FAM135A: variants seen among roughly 807,000 people sequenced by gnomAD.
The protein encoded by FAM135A is family with sequence similarity 135 member A.
In FAM135A, 79 loss-of-function variants were observed where a neutral mutation model predicts 146.8. That is an observed-to-expected ratio of 0.54 (90% CI 0.45 to 0.65). The LOEUF (loss-of-function observed/expected upper bound fraction) is 0.65, where lower values mean the gene tolerates loss of function less well. Among genes scored for constraint, FAM135A ranks in the 30% least tolerant of loss-of-function variants. The probability of loss-of-function intolerance (pLI) is 0.00; values close to 1 mark genes in which losing one functional copy is unlikely to be tolerated. For missense variants in FAM135A, 1,623 were observed against 1,758.2 expected (o/e 0.92, Z 1.38); for synonymous variants, 562 against 603.6 (o/e 0.93, Z 1.01).
chr6:70,511,067 A>G (rs1790893157), intron 12 of FAM135A, among the ~76,000 whole-genome samples: 1 of 151,910 alleles, frequency 6.6e-6, no homozygotes, highest in African/African-American at 2.4e-5. Flanking sequence ...CTTATTTACC[A>G]TTTGTGTATC....
intron 11 of FAM135A, among the ~76,000 whole-genome samples, chr6:70,500,994 G>A (rs900285479): frequency 2.0e-5 from 3 of 152,196 alleles, no homozygotes; most frequent in Admixed American, 6.5e-5. Flanking sequence ...CTGTCCCTTA[G>A]CAGAGCTGGT....
intron 4 of FAM135A, among the ~76,000 whole-genome samples, chr6:70,451,117 A>G (rs1776995323): frequency 6.6e-6 from 1 of 151,882 alleles, no homozygotes; most frequent in Admixed American, 6.6e-5. Flanking sequence ...TTAGTACTGT[A>G]TTTTCTATTT....
chr6:70,502,782 T>C lies in FAM135A; in HGVS notation c.1020T>C (p.His340=). 1 of 1,609,348 alleles carries C rather than the reference T, an allele frequency of 6.2e-7. No homozygotes were observed. Among genetic ancestry groups the C allele is most frequent in the Non-Finnish European group, 8.5e-7 (1 of 1,177,848 alleles). Residue 340 remains histidine, a synonymous_variant, in exon 12 of 22, where the codon CAT becomes CAC. Coordinates refer to ENST00000418814, the MANE Select transcript of FAM135A (RefSeq NM_001162529.3). ...GAATATTATTAGCACAAGAGCACCA[T>C]ACTTTGAGGGTAAGTTAAAGAGAAG... ...ELRILLAQEH[H]TLRVRRFSEA...
intron 12 of FAM135A, among the ~76,000 whole-genome samples, chr6:70,521,221 T>C (rs890264265): frequency 6.6e-6 from 1 of 152,212 alleles, no homozygotes; most frequent in Admixed American, 6.5e-5. Context: ...TGATCATTAT[T>C]GTAGGACTTA....
chr6:70,522,403 C>T (rs977973066), intron 12 of FAM135A, 110 bp from the exon 13 acceptor site: 11 of 805,938 alleles, frequency 1.4e-5, no homozygotes, highest in Admixed American at 4.2e-5. Flanking sequence ...TTAATTCTGA[C>T]GGGTGATTGT....
At chr6:70,449,220 T>C (rs2128010591) in intron 4 of FAM135A, among the ~76,000 whole-genome samples, 1 of 152,350 alleles carries the variant, frequency 6.6e-6, no homozygotes, top group East Asian at 1.9e-4. Flanking sequence ...CTAATTAACG[T>C]ATTTATCACC....
At chr6:70,501,099 G>A (rs992376777) in intron 11 of FAM135A, among the ~76,000 whole-genome samples, 1 of 152,224 alleles carries the variant, frequency 6.6e-6, no homozygotes, top group Non-Finnish European at 1.5e-5. Context: ...TGCACCCACA[G>A]CTGCCCCTTC....
chr6:70,445,222 T>C (rs1775428360), intron 4 of FAM135A, among the ~76,000 whole-genome samples: 2 of 152,218 alleles, frequency 1.3e-5, no homozygotes, highest in African/African-American at 4.8e-5. Flanking sequence ...TTACTTTGTT[T>C]ATGGCTACTT....
At chr6:70,481,177 T>A in intron 9 of FAM135A, 150 bp downstream of exon 9, 1 of 760,602 alleles carries the variant, frequency 1.3e-6, no homozygotes, top group Admixed American at 3.8e-5. Context: ...AATTGTTTGG[T>A]TCTAATTGTC....
chr6:70,526,649 ACTT>A lies in FAM135A; in HGVS notation c.3570_3572del (p.Ser1191del). ...GCCAAGCAGTACTTCTTACAACTTC[ACTT>A]CTTCGATTTCCTGGTATGAAAGTTC... On this transcript the variant is annotated inframe_deletion, in exon 15 of 22. Transcript: ENST00000418814. 6.2e-7 allele frequency: 1 copy of A among 1,609,970 alleles called. No homozygotes were observed. Among genetic ancestry groups the A allele is most frequent in the South Asian group, 1.1e-5 (1 of 90,102 alleles).
At chr6:70,486,743 A>G (rs949942815) in intron 10 of FAM135A, among the ~76,000 whole-genome samples, 7 of 152,128 alleles carry the variant, frequency 4.6e-5, no homozygotes, top group Non-Finnish European at 1.0e-4. Context: ...AGCCTGACCA[A>G]CATAATGAAA....
chr6:70,496,369 ATTTG>A (rs548775812), intron 11 of FAM135A, among the ~76,000 whole-genome samples: 155 of 152,022 alleles, frequency 1.0e-3, no homozygotes, highest in African/African-American at 3.7e-3. Flanking sequence ...TTTCTGGTAA[ATTTG>A]TTTAAGTTCC....
intron 20 of FAM135A, among the ~76,000 whole-genome samples, chr6:70,540,702 G>T (rs1488471143): frequency 1.3e-5 from 2 of 152,078 alleles, no homozygotes; most frequent in Non-Finnish European, 2.9e-5. Context: ...CAGACTTCAT[G>T]GATTACTTTT....
In FAM135A at chr6:70,525,826, T is replaced by G; in HGVS notation, c.2742T>G (p.Asn914Lys). ...DNETVAIHSL[N>K]SSIKDPLQFV... ...AAACTGTAGCAATACATTCCTTAAATTCAAGCATTAAAGACCCTTTACAAT... is the reference window on the plus strand; with the variant it reads ...AAACTGTAGCAATACATTCCTTAAAGTCAAGCATTAAAGACCCTTTACAAT... Residue 914 changes from asparagine (N) to lysine (K), a missense_variant, in exon 15 of 22, where the codon AAT becomes AAG. Asn to Lys is a moderately conservative substitution (Grantham distance 94). Coordinates refer to ENST00000418814, the MANE Select transcript of FAM135A (RefSeq NM_001162529.3). 12 of 1,612,582 alleles carry G rather than the reference T, an allele frequency of 7.4e-6. No homozygotes were observed. Among genetic ancestry groups the G allele is most frequent in the Non-Finnish European group, 1.0e-5 (12 of 1,179,416 alleles).
chr6:70,435,296 C>A (rs1042223690), intron 4 of FAM135A, among the ~76,000 whole-genome samples: 1 of 151,130 alleles, frequency 6.6e-6, no homozygotes, highest in Non-Finnish European at 1.5e-5. Context: ...GTAGAGGTGG[C>A]GTTTTGCCCT....
rs539650024 is a variant in FAM135A, at chr6:70,521,101, T to G, written c.1030-1412T>G. 6.4e-4 allele frequency among the ~76,000 whole-genome samples: 97 copies of G among 152,360 alleles called. 1 individual carries two copies. Among genetic ancestry groups the G allele is most frequent in the Middle Eastern group, 3.4e-3 (1 of 294 alleles). On this transcript the variant is annotated intron_variant, in intron 12 of 21. Coordinates refer to ENST00000418814, the MANE Select transcript of FAM135A (RefSeq NM_001162529.3). ...ATCATCCTAGAGGTTTTTTTTTGTT[T>G]GTTTTTTCTTCATCATTCAATTTGA...
At chr6:70,463,252 C>A (rs1203113958) in intron 5 of FAM135A, among the ~76,000 whole-genome samples, 1 of 152,008 alleles carries the variant, frequency 6.6e-6, no homozygotes, top group East Asian at 1.9e-4. Context: ...CTGTCATAGT[C>A]CTTTTTCTTT....
At chr6:70,470,701 G>A (rs1207074393) in intron 5 of FAM135A, among the ~76,000 whole-genome samples, 2 of 152,192 alleles carry the variant, frequency 1.3e-5, no homozygotes, top group Non-Finnish European at 2.9e-5. Flanking sequence ...GTCCTTTCTA[G>A]GAGATTGTGC....
chr6:70,469,767 A>G (rs1488938197), intron 5 of FAM135A, among the ~76,000 whole-genome samples: 1 of 152,204 alleles, frequency 6.6e-6, no homozygotes. Context: ...CCCATGAGGT[A>G]GGAGTAGAAC....
Sources: allele counts gnomAD v4.1 joint callset (sites outside exome capture counted in the v4.1 genomes callset), GRCh38; gene constraint gnomAD v4.1.1; transcripts MANE v1.5; gene names NCBI Gene and HGNC (gene_info 2026-07-23, HGNC 2026-07-21).